Variants in PLXNA2 observed in about 807,000 individuals in gnomAD.
PLXNA2 encodes the protein plexin-A2.
In PLXNA2, 91 loss-of-function variants were observed where a neutral mutation model predicts 193.5. The ratio of observed to expected loss-of-function variants is 0.47; its 90% CI spans 0.40 to 0.56. The LOEUF is 0.56. PLXNA2 is among the 20% of genes least tolerant of loss of function. The pLI is 0.00. For synonymous variants in PLXNA2, 997 were observed against 1,027.3 expected (o/e 0.97, Z 0.56); for missense variants, 1,995 against 2,503.2 (o/e 0.80, Z 4.33).
At chr1:208,231,771 T>G (rs1671700082) in intron 1 of PLXNA2, among the ~76,000 whole-genome samples, 1 of 152,224 alleles carries the variant, frequency 6.6e-6, no homozygotes. Context: ...AGGTTGAATA[T>G]TTTGGCAAAG....
intron 3 of PLXNA2, among the ~76,000 whole-genome samples, chr1:208,196,543 T>G (rs2102574718): frequency 6.6e-6 from 1 of 152,314 alleles, no homozygotes; most frequent in East Asian, 1.9e-4. Context: ...TCTTGCTCCT[T>G]TCTCCCTTTC....
chr1:208,084,355 C>T (rs1244603764), intron 10 of PLXNA2, 25 bp downstream of exon 10: 2 of 1,612,216 alleles, frequency 1.2e-6, no homozygotes, highest in African/African-American at 1.3e-5. Context: ...CTGCTCCAGG[C>T]AGGGCCCAGC....
chr1:208,215,558 G>A (rs1376446545), intron 2 of PLXNA2, among the ~76,000 whole-genome samples: 8 of 151,946 alleles, frequency 5.3e-5, no homozygotes, highest in African/African-American at 1.9e-4. Flanking sequence ...AAGGGATGGA[G>A]GAAAGAATGA....
rs184113164 is a variant in PLXNA2 at position 208,096,418 on chromosome 1, T to C, written c.1886-293A>G. On this transcript the variant is annotated intron_variant, in intron 7 of 31. Transcript: ENST00000367033. ...CATTACTGAAAGGATTTCAGAAATA[T>C]TAGGTCTGAGCCCCCAGTTCTGTGG... is the stretch of plus-strand genomic sequence containing the variant. Among the ~76,000 whole-genome samples, 77 of 152,278 alleles carry C rather than the reference T, an allele frequency of 5.1e-4. 2 individuals carry two copies. The highest frequency in any genetic ancestry group is 1.8e-3 in the African/African-American group (73 of 41,546).
chr1:208,065,746 T>C (rs1018996018), intron 12 of PLXNA2, among the ~76,000 whole-genome samples: 1 of 152,190 alleles, frequency 6.6e-6, no homozygotes, highest in African/African-American at 2.4e-5. Context: ...GGAGTAGTGA[T>C]GCCGCCAGAG....
chr1:208,206,025 A>G (rs1273972483), intron 3 of PLXNA2, among the ~76,000 whole-genome samples: 1 of 152,208 alleles, frequency 6.6e-6, no homozygotes, highest in Non-Finnish European at 1.5e-5. Context: ...TTTAAAATGG[A>G]GGTGATAATA....
chr1:208,038,973 G>A lies in PLXNA2; in HGVS notation c.4512C>T (p.Cys1504=), dbSNP rs113860539. 7.8e-5 allele frequency: 126 copies of A among 1,613,878 alleles called. 1 individual carries two copies. In the Middle Eastern group the frequency reaches 2.3e-3, roughly 30 times the overall value. Residue 1504 remains cysteine, a synonymous_variant, in exon 25 of 32, where the codon TGC becomes TGT. Transcript: ENST00000367033. The surrounding 1 kb of genome is among the most constrained non-coding windows in gnomAD (Gnocchi z 4.1). ...GACTGTTCTCGTTGTCAGGGTTGAC[G>A]CAGTTCAGGATCTACAAGTAGGGGA... ...QIEYKTLILN[C]VNPDNENSPE...
At chr1:208,121,912 A>G (rs549003739) in intron 4 of PLXNA2, among the ~76,000 whole-genome samples, 1 of 152,222 alleles carries the variant, frequency 6.6e-6, no homozygotes, top group South Asian at 2.1e-4. Context: ...TGCTCACATC[A>G]CAGCTCACAC....
At chr1:208,166,818 G>T (rs1669325485) in intron 3 of PLXNA2, among the ~76,000 whole-genome samples, 3 of 152,308 alleles carry the variant, frequency 2.0e-5, no homozygotes, top group South Asian at 2.1e-4. Context: ...GGGTCTCTTT[G>T]TAAATAGATG....
At chr1:208,080,318 T>G (rs1666293553) in intron 11 of PLXNA2, among the ~76,000 whole-genome samples, 1 of 152,020 alleles carries the variant, frequency 6.6e-6, no homozygotes, top group Non-Finnish European at 1.5e-5. Flanking sequence ...GTGCAAACCC[T>G]TTGTCTTTTT....
Position 208,072,267 on chromosome 1 carries a change from A to G in PLXNA2, c.2586+6993T>C, listed in dbSNP as rs148658784. Among the ~76,000 whole-genome samples, 13 of 152,332 alleles carry G rather than the reference A, an allele frequency of 8.5e-5. No homozygotes were observed. The East Asian group carries it at 2.5e-3, about 29-fold the overall frequency. On this transcript the variant is annotated intron_variant, in intron 12 of 31. Transcript: ENST00000367033. ...GAAAAATTCACAAAGTAAAAGCTACATGGTGGTCATTGGAGAAACAGCTGT... is the reference window on the plus strand; with the variant it reads ...GAAAAATTCACAAAGTAAAAGCTACGTGGTGGTCATTGGAGAAACAGCTGT...
intron 4 of PLXNA2, among the ~76,000 whole-genome samples, chr1:208,114,789 C>T (rs1464008828): frequency 2.0e-5 from 3 of 152,120 alleles, no homozygotes. Flanking sequence ...TTGTCCATCA[C>T]AGCTTCCTAG....
At chr1:208,222,992 T>C (rs748175470) in intron 1 of PLXNA2, among the ~76,000 whole-genome samples, 1 of 152,046 alleles carries the variant, frequency 6.6e-6, no homozygotes, top group African/African-American at 2.4e-5. Flanking sequence ...CTATTACTAC[T>C]GCACCTACTA....
At chr1:208,088,393 G>A (rs964555006) in intron 9 of PLXNA2, among the ~76,000 whole-genome samples, 1 of 152,246 alleles carries the variant, frequency 6.6e-6, no homozygotes, top group African/African-American at 2.4e-5. Flanking sequence ...TTCAAAGAGA[G>A]AGCAGCCAGC....
At position 208,217,246 on chromosome 1, in the gene PLXNA2, A is replaced by T; in HGVS notation, c.677T>A (p.Ile226Asn). 1 of 1,614,090 alleles carries T rather than the reference A, an allele frequency of 6.2e-7. No homozygotes were observed. Among genetic ancestry groups the T allele is most frequent in the South Asian group, 1.1e-5 (1 of 91,080 alleles). The change falls in exon 2 of 32, where the codon ATC becomes AAC. Residue 226 changes from isoleucine (I) to asparagine (N), a missense_variant. Physicochemically the swap from Ile to Asn is moderately radical, Grantham distance 149. Coordinates refer to ENST00000367033, the MANE Select transcript of PLXNA2 (RefSeq NM_025179.4). This position sits in a 1 kb window ranked among gnomAD's most constrained non-coding sequence, Gnocchi z 4.7. Reference protein sequence around the residue: ...ELHSDFVSSLIKIPSDTLALV... With the variant: ...ELHSDFVSSLNKIPSDTLALV... ...GGCCAGGGTGTCTGAAGGGATCTTGATGAGAGAGGAGACAAAATCGCTGTG... is the reference window on the plus strand; with the variant it reads ...GGCCAGGGTGTCTGAAGGGATCTTGTTGAGAGAGGAGACAAAATCGCTGTG...
At chr1:208,190,441 C>A (rs747351623) in intron 3 of PLXNA2, among the ~76,000 whole-genome samples, 1 of 152,190 alleles carries the variant, frequency 6.6e-6, no homozygotes, top group Non-Finnish European at 1.5e-5. Flanking sequence ...ACCTATGTTG[C>A]AGGGCTGTTA....
At chr1:208,037,216 G>C (rs951532494) in intron 26 of PLXNA2, among the ~76,000 whole-genome samples, 1 of 152,170 alleles carries the variant, frequency 6.6e-6, no homozygotes, top group African/African-American at 2.4e-5. Context: ...GGGGAAGCAG[G>C]GCTTGAATAC....
At chr1:208,138,726 A>G (rs1029457093) in intron 4 of PLXNA2, among the ~76,000 whole-genome samples, 1 of 152,222 alleles carries the variant, frequency 6.6e-6, no homozygotes, top group Admixed American at 6.5e-5. Flanking sequence ...CTCTATTTCC[A>G]TAAAAAAAAT....
At position 208,024,934 on chromosome 1, in the gene PLXNA2, T is replaced by C. The variant is rs2102353754; in HGVS notation, c.*2309A>G. ...TTCTTACCTATATCTCCTTTCCTTTTATCTCCATAAATTATGGGCTCTGCG... is the reference window on the plus strand; with the variant it reads ...TTCTTACCTATATCTCCTTTCCTTTCATCTCCATAAATTATGGGCTCTGCG... On this transcript the variant is annotated 3_prime_UTR_variant, in exon 32 of 32. Transcript: ENST00000367033. 6.6e-6 allele frequency: 1 copy of C among 152,634 alleles called. No homozygotes were observed. The highest frequency in any genetic ancestry group is 2.1e-4 in the South Asian group (1 of 4,824). 9.5% of individuals were successfully genotyped at this position (152,634 alleles called of 1,614,324 possible). A position where few individuals can be genotyped will look rare whatever the true frequency, so the allele number is the denominator to read the frequency against.
Sources: allele counts gnomAD v4.1 joint callset (sites outside exome capture counted in the v4.1 genomes callset), GRCh38; gene constraint gnomAD v4.1.1; non-coding constraint Gnocchi (gnomAD v3.1); transcripts MANE v1.5; gene names NCBI Gene and HGNC (gene_info 2026-07-23, HGNC 2026-07-21).